Variants in ALOX5 observed in about 807,000 individuals in gnomAD.
The protein encoded by ALOX5 is polyunsaturated fatty acid 5-lipoxygenase.
Under a neutral mutation model 87.9 loss-of-function variants are expected in ALOX5, and 64 were observed. That is an observed-to-expected ratio of 0.73 (90% CI 0.60 to 0.90). The LOEUF is 0.90. Ranked by LOEUF, ALOX5 falls within the 40% of genes least tolerant of loss-of-function variation. The pLI is 0.00. For synonymous variants in ALOX5, 388 were observed against 355.1 expected (o/e 1.09, Z -1.04); for missense variants, 822 against 907.5 (o/e 0.91, Z 1.21).
chr10:45,444,222 A>AC lies in ALOX5; in HGVS notation c.1783dup (p.Arg595ProfsTer57). The AC allele has an allele frequency of 6.4e-7, 1 of 1,554,686 alleles. No homozygotes were observed. Among genetic ancestry groups the AC allele is most frequent in the Non-Finnish European group, 8.7e-7 (1 of 1,149,100 alleles). On this transcript the variant is annotated frameshift_variant, in exon 13 of 14. Transcript: ENST00000374391. LOFTEE classifies it high-confidence loss of function. ...GAGCAGATCGTGGACACGCTGCCCG[A>AC]CCGCGGCCGCTCCTGCTGGCATCTG... is the stretch of plus-strand genomic sequence containing the variant.
At chr10:45,424,004 C>A in intron 4 of ALOX5, 37 bp from the exon 5 acceptor site, 2 of 1,521,486 alleles carry the variant, frequency 1.3e-6, no homozygotes, top group Non-Finnish European at 1.8e-6. Flanking sequence ...GGAGGCATGG[C>A]TAGTGTGCGC....
In ALOX5 at chr10:45,440,641, C is replaced by CAGCT; in HGVS notation, c.1185+10_1185+13dup. The CAGCT allele has an allele frequency of 6.2e-7, 1 of 1,613,432 alleles. No individual in the cohort carries two copies. Among genetic ancestry groups the CAGCT allele is most frequent in the East Asian group, 2.2e-5 (1 of 44,866 alleles). On this transcript the variant is annotated intron_variant, in intron 8 of 13. Transcript: ENST00000374391. Reference sequence around the variant, plus strand: ...GTGCACCCCATTTTCAAGGTACAGCCAGCTACCGCCCCACCTGCTATGGGA... The same window carrying CAGCT: ...GTGCACCCCATTTTCAAGGTACAGCCAGCTAGCTACCGCCCCACCTGCTATGGGA...
intron 7 of ALOX5, among the ~76,000 whole-genome samples, chr10:45,437,382 A>G (rs1842090991): frequency 6.6e-6 from 1 of 152,174 alleles, no homozygotes; most frequent in African/African-American, 2.4e-5. Flanking sequence ...ATTTTTGTAC[A>G]CTGATTTTGT....
chr10:45,386,743 A>G (rs1204554043), intron 2 of ALOX5, among the ~76,000 whole-genome samples: 2 of 152,300 alleles, frequency 1.3e-5, no homozygotes, highest in African/African-American at 4.8e-5. Context: ...CTATTCCAGG[A>G]CCTGTTTTCA....
Position 45,386,009 on chromosome 10 carries a change from C to T in ALOX5, c.349+3328C>T, listed in dbSNP as rs1269459666. Among the ~76,000 whole-genome samples the T allele has an allele frequency of 2.6e-5, 4 of 152,040 alleles. No individual in the cohort carries two copies. The East Asian group carries it at 7.7e-4, about 29-fold the overall frequency. On this transcript the variant is annotated intron_variant, in intron 2 of 13. Transcript: ENST00000374391. ...TTTGAGTCTAGGATTTTGTCACAAG[C>T]CTGGGCAATGTAGAGAGACCCCATC...
chr10:45,425,057 C>T lies in ALOX5; in HGVS notation c.759C>T (p.Pro253=), dbSNP rs760558754. ...TGATCCGGCGCTGCACAGAGCTGCC[C>T]GAGAAGCTCCCGGTGACCACGGAGA... The part of the protein sequence containing the change: ...PVLIRRCTEL[P]EKLPVTTEMV... The change falls in exon 6 of 14, where the codon CCC becomes CCT. Residue 253 remains proline (P), a synonymous_variant. Coordinates refer to ENST00000374391, the MANE Select transcript of ALOX5 (RefSeq NM_000698.5). This position sits in a 1 kb window ranked among gnomAD's most constrained non-coding sequence, Gnocchi z 4.4. The T allele has an allele frequency of 8.7e-6, 14 of 1,613,496 alleles. No individual in the cohort carries two copies. The highest frequency in any genetic ancestry group is 5.5e-5 in the South Asian group (5 of 91,022).
chr10:45,420,793 C>T (rs759546851), intron 4 of ALOX5, among the ~76,000 whole-genome samples: 2 of 152,264 alleles, frequency 1.3e-5, no homozygotes, highest in Admixed American at 6.5e-5. Context: ...AAGCTGGTAG[C>T]AGAAGGAAAG....
chr10:45,413,687 G>C (rs1280341620), intron 4 of ALOX5, among the ~76,000 whole-genome samples: 1 of 152,168 alleles, frequency 6.6e-6, no homozygotes, highest in Non-Finnish European at 1.5e-5. Flanking sequence ...TTTATATCTA[G>C]AAAACCCCAT....
chr10:45,436,049 G>T (rs1056334611), intron 7 of ALOX5, among the ~76,000 whole-genome samples: 2 of 152,138 alleles, frequency 1.3e-5, no homozygotes, highest in Non-Finnish European at 2.9e-5. Context: ...TCATATGTTT[G>T]TTGGCCACTT....
intron 2 of ALOX5, among the ~76,000 whole-genome samples, chr10:45,393,109 C>T (rs1336782047): frequency 1.3e-5 from 2 of 152,114 alleles, no homozygotes; most frequent in Non-Finnish European, 2.9e-5. Flanking sequence ...TTTATGAGGC[C>T]AGCATCATCC....
intron 1 of ALOX5, among the ~76,000 whole-genome samples, chr10:45,376,532 A>G (rs141270101): frequency 5.3e-5 from 8 of 152,326 alleles, no homozygotes; most frequent in African/African-American, 7.2e-5. Context: ...GGGTAAAGGT[A>G]AAAGAGAAAC....
At chr10:45,413,008 T>C (rs910414829) in intron 4 of ALOX5, among the ~76,000 whole-genome samples, 4 of 152,084 alleles carry the variant, frequency 2.6e-5, no homozygotes, top group Non-Finnish European at 4.4e-5. Flanking sequence ...ACATTGACCC[T>C]ATAGGGAATT....
At chr10:45,396,008 A>T (rs1294883273) in intron 3 of ALOX5, 72 bp downstream of exon 3, 1 of 1,499,502 alleles carries the variant, frequency 6.7e-7, no homozygotes, top group African/African-American at 1.4e-5. Context: ...GGTATGAAAT[A>T]AACCCTTTCC....
intron 1 of ALOX5, among the ~76,000 whole-genome samples, chr10:45,376,763 C>A (rs1839629578): frequency 6.6e-6 from 1 of 152,130 alleles, no homozygotes; most frequent in Admixed American, 6.5e-5. Context: ...TAAAGTGAGT[C>A]ACAGGTCCCT....
intron 4 of ALOX5, among the ~76,000 whole-genome samples, chr10:45,418,310 G>A (rs901140371): frequency 6.6e-6 from 1 of 152,142 alleles, no homozygotes; most frequent in African/African-American, 2.4e-5. Context: ...GGGACCCTAG[G>A]AAAGTCGTCT....
In ALOX5 at chr10:45,419,055, C is replaced by T. The variant is rs574003860; in HGVS notation, c.555-4986C>T. Among the ~76,000 whole-genome samples, 5 of 152,332 alleles carry T rather than the reference C, an allele frequency of 3.3e-5. No individual in the cohort carries two copies. The South Asian group carries it at 1.0e-3, about 32-fold the overall frequency. Reference sequence around the variant, plus strand: ...TGGAGCCGCCCTCTCCCCAGGACCACAGGGGCGCTTTCCAGTGAAGGCGCC... The same window carrying T: ...TGGAGCCGCCCTCTCCCCAGGACCATAGGGGCGCTTTCCAGTGAAGGCGCC... On this transcript the variant is annotated intron_variant, in intron 4 of 13. Coordinates refer to ENST00000374391, the MANE Select transcript of ALOX5 (RefSeq NM_000698.5).
At position 45,412,225 on chromosome 10, in the gene ALOX5, A is replaced by G. The variant is rs1416270952; in HGVS notation, c.466A>G (p.Ile156Val). Residue 156 changes from isoleucine to valine, a missense_variant, in exon 4 of 14, where the codon ATC (isoleucine) becomes GTC (valine). Ile to Val is a conservative substitution (Grantham distance 29). Transcript: ENST00000374391. ...MEWNPGFPLS[I>V]DAKCHKDLPR... Reference sequence around the variant, plus strand: ...GTGGAACCCTGGCTTCCCCTTGAGCATCGATGCCAAATGCCACAAGGATTT... The same window carrying G: ...GTGGAACCCTGGCTTCCCCTTGAGCGTCGATGCCAAATGCCACAAGGATTT... 1 of 1,614,136 alleles carries G rather than the reference A, an allele frequency of 6.2e-7. No homozygotes were observed. The highest frequency in any genetic ancestry group is 1.7e-5 in the Admixed American group (1 of 60,024).
At chr10:45,442,647 CTG>C (rs72103710) in intron 9 of ALOX5, 33,175 of 193,064 alleles carry the variant, frequency 0.17, 2,989 homozygotes, top group African/African-American at 0.19. Context: ...GTCCTGGAAA[CTG>C]AGGGTCACTG....
intron 2 of ALOX5, among the ~76,000 whole-genome samples, chr10:45,389,846 T>C (rs529152758): frequency 6.6e-6 from 1 of 152,284 alleles, no homozygotes; most frequent in Admixed American, 6.5e-5. Context: ...CATAACAATA[T>C]TAACCATAAA....
Sources: allele counts gnomAD v4.1 joint callset (sites outside exome capture counted in the v4.1 genomes callset), GRCh38; gene constraint gnomAD v4.1.1; non-coding constraint Gnocchi (gnomAD v3.1); transcripts MANE v1.5; gene names NCBI Gene and HGNC (gene_info 2026-07-23, HGNC 2026-07-21).